Variants in BCAS3 observed in about 807,000 individuals in gnomAD.
The protein encoded by BCAS3 is BCAS3 microtubule associated cell migration factor, also known as BCAS4/BCAS3 fusion.
In BCAS3, 53 loss-of-function variants were observed where a neutral mutation model predicts 116.1. The observed-to-expected ratio is 0.46, with a 90% CI of 0.37 to 0.57. The LOEUF (loss-of-function observed/expected upper bound fraction) is 0.57. Among genes scored for constraint, BCAS3 ranks in the 20% least tolerant of loss-of-function variants. BCAS3 has a pLI of 0.00. For synonymous variants in BCAS3, 391 were observed against 408.2 expected, an observed-to-expected ratio of 0.96 and a Z score of 0.51; for missense variants, 917 against 1,165.4, an observed-to-expected ratio of 0.79 and a Z score of 3.10.
At chr17:61,306,334 G>T (rs913158719) in intron 22 of BCAS3, among the ~76,000 whole-genome samples, 2 of 152,074 alleles carry the variant, frequency 1.3e-5, no homozygotes, top group African/African-American at 4.8e-5. Flanking sequence ...ATGGTGATTT[G>T]GTTATTACTA....
chr17:61,054,697 GA>G (rs1274843197), intron 19 of BCAS3, among the ~76,000 whole-genome samples: 4 of 152,148 alleles, frequency 2.6e-5, no homozygotes, highest in Non-Finnish European at 5.9e-5. Flanking sequence ...TCTTAATATA[GA>G]AGTGAAACAA....
intron 23 of BCAS3, among the ~76,000 whole-genome samples, chr17:61,382,633 G>A (rs113962403): frequency 6.6e-6 from 1 of 151,248 alleles, no homozygotes. Flanking sequence ...TCCAGCCTGG[G>A]TGAAAGAGCA....
chr17:61,110,607 C>T (rs1483279607), intron 22 of BCAS3, among the ~76,000 whole-genome samples: 47 of 152,116 alleles, frequency 3.1e-4, no homozygotes, highest in African/African-American at 8.7e-4. Flanking sequence ...CACGGAGTCT[C>T]GCTGATTGCT....
At chr17:60,865,694 A>G (rs1247104554) in intron 7 of BCAS3, among the ~76,000 whole-genome samples, 1 of 152,160 alleles carries the variant, frequency 6.6e-6, no homozygotes, top group Non-Finnish European at 1.5e-5. Context: ...CTATAAATAG[A>G]TCATGTTATC....
rs1601886259 is a variant in BCAS3, at chr17:61,203,422, C to G, written c.2425+118858C>G. ...CTGCTCACCTCGGCCTCCCAAAGTG[C>G]TGGTATCACAGGTGTGAGCCACCGC... is the stretch of plus-strand genomic sequence containing the variant. On this transcript the variant is annotated intron_variant, in intron 22 of 23. Transcript: ENST00000407086. The surrounding 1 kb of genome is among the most constrained non-coding windows in gnomAD (Gnocchi z 5.7). 1.3e-5 allele frequency among the ~76,000 whole-genome samples: 2 copies of G among 152,152 alleles called. No individual in the cohort carries two copies. Among genetic ancestry groups the G allele is most frequent in the East Asian group, 3.8e-4 (2 of 5,196 alleles).
intron 6 of BCAS3, among the ~76,000 whole-genome samples, chr17:60,774,187 A>G (rs2045046519): frequency 1.3e-5 from 2 of 151,724 alleles, no homozygotes; most frequent in African/African-American, 4.9e-5. Flanking sequence ...AGTAGTTTCT[A>G]TTGGTGCCTC....
At chr17:60,698,728 A>G (rs1439851754) in intron 4 of BCAS3, among the ~76,000 whole-genome samples, 3 of 152,138 alleles carry the variant, frequency 2.0e-5, no homozygotes, top group Admixed American at 6.6e-5. Flanking sequence ...GTTTTTGCCA[A>G]TGATAAAATG....
At chr17:61,319,896 A>ATTTTTTTT (rs57784469) in intron 22 of BCAS3, among the ~76,000 whole-genome samples, 3 of 134,670 alleles carry the variant, frequency 2.2e-5, no homozygotes, top group East Asian at 2.2e-4. Flanking sequence ...TTTATTTTTT[A>ATTTTTTTT]TTTTTTTTTT....
chr17:61,270,277 G>A (rs893752544), intron 22 of BCAS3, among the ~76,000 whole-genome samples: 6 of 151,626 alleles, frequency 4.0e-5, no homozygotes, highest in Admixed American at 2.0e-4. Flanking sequence ...CCGCCACCGC[G>A]CCTGGCTAAT....
At chr17:61,039,701 G>A (rs546351217) in intron 18 of BCAS3, among the ~76,000 whole-genome samples, 59 of 152,288 alleles carry the variant, frequency 3.9e-4, no homozygotes, top group South Asian at 6.2e-4. Context: ...GATTACAGGC[G>A]TGAGCCACCG....
At chr17:61,044,275 G>C (rs1448931816) in intron 19 of BCAS3, among the ~76,000 whole-genome samples, 1 of 151,376 alleles carries the variant, frequency 6.6e-6, no homozygotes, top group Non-Finnish European at 1.5e-5. Flanking sequence ...GTGAAACACT[G>C]TCTCTACTAA....
chr17:61,381,297 A>C lies in BCAS3; in HGVS notation c.2594-10680A>C, dbSNP rs2059591324. ...AGGCTCGCCTGAGCCAGCTGAATTG[A>C]ATAATGAATAGAGCCCCGGCACCAG... On this transcript the variant is annotated intron_variant, in intron 23 of 23. Coordinates refer to ENST00000407086, the MANE Select transcript of BCAS3 (RefSeq NM_017679.5). This position sits in a 1 kb window ranked among gnomAD's most constrained non-coding sequence, Gnocchi z 6.0. Among the ~76,000 whole-genome samples the C allele has an allele frequency of 6.6e-6, 1 of 152,244 alleles. No homozygotes were observed. The highest frequency in any genetic ancestry group is 2.4e-5 in the African/African-American group (1 of 41,464).
chr17:61,071,284 A>G (rs2071405583), intron 19 of BCAS3, among the ~76,000 whole-genome samples: 1 of 152,220 alleles, frequency 6.6e-6, no homozygotes, highest in Admixed American at 6.5e-5. Flanking sequence ...AGAAATGGCA[A>G]TAAGTAACTA....
intron 7 of BCAS3, among the ~76,000 whole-genome samples, chr17:60,843,218 A>T (rs1327569976): frequency 1.5e-5 from 2 of 133,630 alleles, no homozygotes; most frequent in South Asian, 2.2e-4. Flanking sequence ...GTTGTTTGTT[A>T]ATTTTTTTTT....
chr17:61,018,199 A>G (rs975994837), intron 16 of BCAS3, among the ~76,000 whole-genome samples: 2 of 151,712 alleles, frequency 1.3e-5, no homozygotes, highest in Admixed American at 1.3e-4. Flanking sequence ...CACAATGAGT[A>G]CTAGGTTTTA....
chr17:61,122,108 G>A lies in BCAS3; in HGVS notation c.2425+37544G>A, dbSNP rs1440064919. 1.3e-5 allele frequency among the ~76,000 whole-genome samples: 2 copies of A among 152,216 alleles called. No individual in the cohort carries two copies. The highest frequency in any genetic ancestry group is 4.8e-5 in the African/African-American group (2 of 41,454). ...TGATTTTCTTAATATTTTCAGCATA[G>A]TCTTGCCACAGCTGAAATAGGAAGA... On this transcript the variant is annotated intron_variant, in intron 22 of 23. Transcript: ENST00000407086. The surrounding 1 kb of genome is among the most constrained non-coding windows in gnomAD (Gnocchi z 4.6).
intron 11 of BCAS3, among the ~76,000 whole-genome samples, chr17:60,907,921 G>GCT (rs2058272300): frequency 2.0e-5 from 3 of 152,136 alleles, no homozygotes. Context: ...GGACACTAGT[G>GCT]CTCATAGATG....
In BCAS3 at chr17:61,056,850, A is replaced by G. The variant is rs2069440640; in HGVS notation, c.2029+15958A>G. 6.6e-6 allele frequency among the ~76,000 whole-genome samples: 1 copy of G among 152,202 alleles called. No homozygotes were observed. The highest frequency in any genetic ancestry group is 6.5e-5 in the Admixed American group (1 of 15,274). On this transcript the variant is annotated intron_variant, in intron 19 of 23. Coordinates refer to ENST00000407086, the MANE Select transcript of BCAS3 (RefSeq NM_017679.5). This position sits in a 1 kb window ranked among gnomAD's most constrained non-coding sequence, Gnocchi z 4.9. Reference sequence around the variant, plus strand: ...ATCCATGCACAGATTTTTTCTCTCCAGTTATGGAAAACCTCATAGTTGTTA... The same window carrying G: ...ATCCATGCACAGATTTTTTCTCTCCGGTTATGGAAAACCTCATAGTTGTTA...
At chr17:61,015,939 TTA>T (rs1303038526) in intron 16 of BCAS3, 38 bp downstream of exon 16, 1 of 1,582,610 alleles carries the variant, frequency 6.3e-7, no homozygotes. Context: ...AACAGCTGTT[TTA>T]TAGGGTTGAA....
Sources: gnomAD v4.1 joint callset for allele counts (sites outside exome capture counted in the v4.1 genomes callset) on GRCh38, gnomAD v4.1.1 for gene constraint, Gnocchi (gnomAD v3.1) non-coding constraint, MANE v1.5 for transcripts, NCBI Gene and HGNC (gene_info 2026-07-23, HGNC 2026-07-21) for gene names.